PSEN1: variants seen among roughly 807,000 people sequenced by gnomAD.
The protein encoded by PSEN1 is presenilin 1.
In PSEN1, 15 loss-of-function variants were observed where a neutral mutation model predicts 53.5. The observed-to-expected ratio is 0.28, with a 90% CI of 0.19 to 0.43. PSEN1 has a LOEUF of 0.43. Ranked by LOEUF, PSEN1 falls within the 20% of genes least tolerant of loss-of-function variation. The pLI, the probability that PSEN1 is intolerant of heterozygous loss-of-function variation, is 1.00. For missense variants in PSEN1, 387 were observed against 571.2 expected, an observed-to-expected ratio of 0.68 and a Z score of 3.29; for synonymous variants, 208 against 209.8, an observed-to-expected ratio of 0.99 and a Z score of 0.08.
chr14:73,174,961 C>T (rs1898002511), intron 5 of PSEN1, among the ~76,000 whole-genome samples: 1 of 152,080 alleles, frequency 6.6e-6, no homozygotes, highest in Non-Finnish European at 1.5e-5. Context: ...CAGATTCATA[C>T]CTTAGAAAAA....
intron 5 of PSEN1, among the ~76,000 whole-genome samples, chr14:73,185,844 C>T (rs1388409537): frequency 6.6e-6 from 1 of 152,010 alleles, no homozygotes; most frequent in Non-Finnish European, 1.5e-5. Flanking sequence ...TCACTGCGCC[C>T]GATCTCTCAG....
At chr14:73,147,714 G>T in intron 1 of PSEN1, 81 bp from the exon 2 acceptor site, 1 of 383,338 alleles carries the variant, frequency 2.6e-6, no homozygotes, top group Non-Finnish European at 5.0e-6. Flanking sequence ...TTACAAATTG[G>T]TCTTATAAGT....
intron 3 of PSEN1, among the ~76,000 whole-genome samples, chr14:73,160,773 T>A (rs529787423): frequency 9.6e-4 from 146 of 151,638 alleles, no homozygotes; most frequent in Non-Finnish European, 1.7e-3. Context: ...ATCTGATGAT[T>A]TGTTTTTTTC....
intron 3 of PSEN1, among the ~76,000 whole-genome samples, chr14:73,153,504 T>G (rs1332345221): frequency 2.0e-5 from 3 of 152,202 alleles, no homozygotes; most frequent in African/African-American, 7.2e-5. Context: ...ATTATGTGTG[T>G]TGTTGGAAGC....
chr14:73,216,463 T>G (rs1899917755), intron 10 of PSEN1, among the ~76,000 whole-genome samples: 1 of 152,130 alleles, frequency 6.6e-6, no homozygotes, highest in East Asian at 1.9e-4. Context: ...GAAGCTTTTT[T>G]AAAAATAAGA....
intron 3 of PSEN1, among the ~76,000 whole-genome samples, chr14:73,160,775 G>A (rs1322658206): frequency 1.1e-5 from 1 of 88,636 alleles, no homozygotes; most frequent in Admixed American, 1.1e-4. Flanking sequence ...CTGATGATTT[G>A]TTTTTTTCCA....
chr14:73,149,583 C>T (rs1037880882), intron 3 of PSEN1, among the ~76,000 whole-genome samples: 1 of 152,074 alleles, frequency 6.6e-6, no homozygotes, highest in Non-Finnish European at 1.5e-5. Flanking sequence ...AATTCTTTCC[C>T]AGCTGGGAAG....
At position 73,221,840 on chromosome 14, in the gene PSEN1, A is replaced by G. The variant is rs1186267685; in HGVS notation, c.*2551A>G. On this transcript the variant is annotated 3_prime_UTR_variant, in exon 12 of 12. Transcript: ENST00000324501. Reference sequence around the variant, plus strand: ...ATTGTCACTGGAAAGAACAGTAGCAATTTCCATAAGGATGTGCCTTCACTC... The same window carrying G: ...ATTGTCACTGGAAAGAACAGTAGCAGTTTCCATAAGGATGTGCCTTCACTC... 2 of 152,224 alleles carry G rather than the reference A, an allele frequency of 1.3e-5. No homozygotes were observed. The highest frequency in any genetic ancestry group is 4.8e-5 in the African/African-American group (2 of 41,460). The allele number at this position is 152,224 out of a possible 1,614,324, so 9.4% of individuals were successfully genotyped here. A position where few individuals can be genotyped will look rare whatever the true frequency, so the allele number is the denominator to read the frequency against.
chr14:73,148,196 A>G (rs1897124403), intron 3 of PSEN1, 90 bp downstream of exon 3: 1 of 1,009,928 alleles, frequency 9.9e-7, no homozygotes, highest in African/African-American at 1.6e-5. Context: ...GGGGCTAGGC[A>G]GGCTTTCTCT....
intron 4 of PSEN1, 76 bp downstream of exon 4, chr14:73,171,123 G>A: frequency 6.4e-7 from 1 of 1,561,636 alleles, no homozygotes; most frequent in Non-Finnish European, 8.8e-7. Flanking sequence ...TCACCTTGAA[G>A]GCCTCTGCAT....
chr14:73,155,774 C>T (rs1897336910), intron 3 of PSEN1, among the ~76,000 whole-genome samples: 1 of 152,154 alleles, frequency 6.6e-6, no homozygotes, highest in East Asian at 1.9e-4. Flanking sequence ...CCGTCTCGGC[C>T]TCCTGAAGCA....
intron 1 of PSEN1, among the ~76,000 whole-genome samples, chr14:73,137,377 AG>A (rs1351120359): frequency 1.3e-5 from 2 of 152,222 alleles, no homozygotes; most frequent in Non-Finnish European, 2.9e-5. Flanking sequence ...CTCAGAAATA[AG>A]GAAGTTAGGA....
intron 11 of PSEN1, among the ~76,000 whole-genome samples, chr14:73,218,717 A>G (rs965334500): frequency 6.6e-5 from 10 of 151,028 alleles, no homozygotes; most frequent in Non-Finnish European, 1.0e-4. Context: ...CGCACAGCAT[A>G]GAGAATGCCC....
chr14:73,211,955 C>G lies in PSEN1; in HGVS notation c.1129+13C>G. ...GACCCAGAGGAAAGTATGTGCATTT[C>G]TCTATGTTGCAAAGTCATGGATTCC... On this transcript the variant is annotated intron_variant, in intron 10 of 11. Transcript: ENST00000324501. 1 of 1,613,632 alleles carries G rather than the reference C, an allele frequency of 6.2e-7. No homozygotes were observed. The highest frequency in any genetic ancestry group is 8.5e-7 in the Non-Finnish European group (1 of 1,179,714).
chr14:73,193,271 C>CTGTAT (rs1898798886), intron 7 of PSEN1, among the ~76,000 whole-genome samples: 2 of 152,174 alleles, frequency 1.3e-5, no homozygotes, highest in South Asian at 4.1e-4. Context: ...GATTGCATCA[C>CTGTAT]TGTATTCCAG....
At chr14:73,172,486 C>T (rs362360) in intron 4 of PSEN1, among the ~76,000 whole-genome samples, 2,247 of 152,316 alleles carry the variant, frequency 0.015, 46 homozygotes, top group African/African-American at 0.049. Context: ...CTGTCTGCTA[C>T]CTTTCCACAA....
intron 7 of PSEN1, 156 bp from the exon 8 acceptor site, chr14:73,197,875 C>A: frequency 1.7e-6 from 1 of 583,504 alleles, no homozygotes; most frequent in South Asian, 2.1e-5. Flanking sequence ...CCCACCAGTT[C>A]ACCTGCCATT....
chr14:73,160,077 G>A, intron 3 of PSEN1: 2 of 280,468 alleles, frequency 7.1e-6, no homozygotes, highest in Non-Finnish European at 7.9e-6. Context: ...TCCCACTTTG[G>A]CCTCCCAAAA....
chr14:73,161,423 T>G (rs1367756405), intron 3 of PSEN1, among the ~76,000 whole-genome samples: 1 of 152,266 alleles, frequency 6.6e-6, no homozygotes, highest in South Asian at 2.1e-4. Flanking sequence ...TAAGTTTCAT[T>G]GTACAGGATA....
Sources: gnomAD v4.1 joint callset for allele counts (sites outside exome capture counted in the v4.1 genomes callset) on GRCh38, gnomAD v4.1.1 for gene constraint, MANE v1.5 for transcripts, NCBI Gene and HGNC (gene_info 2026-07-23, HGNC 2026-07-21) for gene names.